The following MAD1L1 variants were observed in gnomAD, a reference collection of about 807,000 sequenced individuals.
The protein encoded by MAD1L1 is mitotic spindle assembly checkpoint protein MAD1.
In MAD1L1, 95 loss-of-function variants were observed where a neutral mutation model predicts 96.9. The observed-to-expected ratio is 0.98, with a 90% CI of 0.83 to 1.16. The LOEUF (loss-of-function observed/expected upper bound fraction) is 1.16, where lower values mean the gene tolerates loss of function less well. Ranked by LOEUF, MAD1L1 falls within the 50% of genes most tolerant of loss-of-function variation. The pLI is 0.00. For missense variants in MAD1L1, 1,007 were observed against 954.4 expected (o/e 1.06, Z -0.73); for synonymous variants, 473 against 396.6 (o/e 1.19, Z -2.29).
intron 10 of MAD1L1, among the ~76,000 whole-genome samples, chr7:2,165,112 G>A (rs559236521): frequency 2.0e-4 from 30 of 152,142 alleles, no homozygotes; most frequent in African/African-American, 6.5e-4. Context: ...GTTGAGGCAG[G>A]AGAATCGCCT....
chr7:2,203,381 C>T (rs1322267716), intron 10 of MAD1L1, among the ~76,000 whole-genome samples: 7 of 152,232 alleles, frequency 4.6e-5, no homozygotes, highest in Non-Finnish European at 1.0e-4. Flanking sequence ...TGAAAGCACA[C>T]CACCCCCATT....
chr7:2,184,685 C>T (rs1791375491), intron 10 of MAD1L1, among the ~76,000 whole-genome samples: 1 of 152,148 alleles, frequency 6.6e-6, no homozygotes, highest in Admixed American at 6.5e-5. Context: ...GGGAAACAAA[C>T]AAGCAGATTC....
At chr7:2,011,159 G>A (rs1190299188) in intron 13 of MAD1L1, among the ~76,000 whole-genome samples, 1 of 152,006 alleles carries the variant, frequency 6.6e-6, no homozygotes, top group East Asian at 1.9e-4. Context: ...GAGGAGAAGA[G>A]GAGACGGGCC....
At chr7:2,012,121 C>T (rs1471774328) in intron 13 of MAD1L1, among the ~76,000 whole-genome samples, 2 of 152,212 alleles carry the variant, frequency 1.3e-5, no homozygotes, top group Admixed American at 6.5e-5. Context: ...AACATACATC[C>T]CACTAGCAGG....
At chr7:2,226,504 T>A (rs73041387) in intron 3 of MAD1L1, among the ~76,000 whole-genome samples, 1 of 151,938 alleles carries the variant, frequency 6.6e-6, no homozygotes, top group African/African-American at 2.4e-5. Flanking sequence ...GATTACAGGT[T>A]AGCTGAGCCT....
At chr7:1,947,063 G>A (rs978148150) in intron 16 of MAD1L1, among the ~76,000 whole-genome samples, 1 of 152,210 alleles carries the variant, frequency 6.6e-6, no homozygotes, top group African/African-American at 2.4e-5. Context: ...CCATCTGTGA[G>A]GGTGAGTGTG....
chr7:2,038,498 CTTTTTTTTTTTTTTT>C (rs60466584), intron 12 of MAD1L1, among the ~76,000 whole-genome samples: 2 of 92,824 alleles, frequency 2.2e-5, no homozygotes, highest in Non-Finnish European at 4.3e-5. Context: ...AAGCTGATGA[CTTTTTTTTTTTTTTT>C]TTTTTTTTTT....
intron 10 of MAD1L1, among the ~76,000 whole-genome samples, chr7:2,163,460 GC>G (rs1192095631): frequency 3.9e-5 from 6 of 152,094 alleles, no homozygotes; most frequent in African/African-American, 9.6e-5. Context: ...TGCAACCTCT[GC>G]CCCCCCGGTT....
intron 10 of MAD1L1, among the ~76,000 whole-genome samples, chr7:2,178,855 T>G (rs1365686051): frequency 1.4e-5 from 2 of 146,612 alleles, no homozygotes; most frequent in African/African-American, 5.1e-5. Flanking sequence ...TGAGATCACA[T>G]CACTGCACTT....
intron 11 of MAD1L1, among the ~76,000 whole-genome samples, chr7:2,124,200 C>T (rs1434525855): frequency 6.6e-6 from 1 of 152,308 alleles, no homozygotes; most frequent in South Asian, 2.1e-4. Context: ...GGCAGGCCAT[C>T]GGGCAGCGGT....
chr7:1,817,442 C>G (rs1781872913), intron 18 of MAD1L1: 1 of 152,266 alleles, frequency 6.6e-6, no homozygotes, highest in African/African-American at 2.4e-5. Context: ...CGGAGGGAGA[C>G]ACAAAACCGG....
At chr7:2,161,795 C>A (rs1423703662) in intron 10 of MAD1L1, among the ~76,000 whole-genome samples, 1 of 151,170 alleles carries the variant, frequency 6.6e-6, no homozygotes, top group Non-Finnish European at 1.5e-5. Context: ...TGCCCCACCG[C>A]CACCCCGTCT....
rs1187863479 is a variant in MAD1L1, at chr7:2,146,804, G to A, written c.1073+2348C>T. Among the ~76,000 whole-genome samples the A allele has an allele frequency of 6.6e-6, 1 of 152,230 alleles. No homozygotes were observed. The highest frequency in any genetic ancestry group is 1.5e-5 in the Non-Finnish European group (1 of 68,052). On this transcript the variant is annotated intron_variant, in intron 11 of 18. Transcript: ENST00000265854. This position sits in a 1 kb window ranked among gnomAD's most constrained non-coding sequence, Gnocchi z 6.2. The stretch of plus-strand genomic sequence containing the variant: ...TCCAACTGCCTGTAAGAGACTTGTA[G>A]AAATGTGCTCAGCTGTTCAACCGTG...
chr7:2,086,545 GCT>G (rs1424356310), intron 11 of MAD1L1, among the ~76,000 whole-genome samples: 2 of 152,170 alleles, frequency 1.3e-5, no homozygotes, highest in Non-Finnish European at 2.9e-5. Context: ...AGCCACAATT[GCT>G]CTTTTTCTTT....
chr7:2,138,856 G>A (rs1227354266), intron 11 of MAD1L1, among the ~76,000 whole-genome samples: 7 of 152,160 alleles, frequency 4.6e-5, no homozygotes, highest in South Asian at 2.1e-4. Flanking sequence ...AAACAATGCC[G>A]CCATTCCCTG....
At chr7:1,907,267 G>A (rs1333730248) in intron 17 of MAD1L1, among the ~76,000 whole-genome samples, 2 of 152,184 alleles carry the variant, frequency 1.3e-5, no homozygotes, top group Non-Finnish European at 2.9e-5. Flanking sequence ...GAGCTGGCCT[G>A]GGTCTGGGCC....
At chr7:2,132,258 G>A (rs1207319860) in intron 11 of MAD1L1, among the ~76,000 whole-genome samples, 1 of 152,214 alleles carries the variant, frequency 6.6e-6, no homozygotes, top group Non-Finnish European at 1.5e-5. Flanking sequence ...CCTGCACCGT[G>A]CACGACTGCA....
At position 1,905,130 on chromosome 7, in the gene MAD1L1, G is replaced by A. The variant is rs369553429; in HGVS notation, c.1808-6740C>T. On this transcript the variant is annotated intron_variant, in intron 17 of 18. Transcript: ENST00000265854. ...GAGGACGCAGTGGCCTACGGAAGAC[G>A]CTCTCGCGGAATTCATGATTGATGA... is the stretch of plus-strand genomic sequence containing the variant. Among the ~76,000 whole-genome samples the A allele has an allele frequency of 1.0e-4, 9 of 87,720 alleles. 3 individuals are homozygous for A. The highest frequency in any genetic ancestry group is 1.2e-4 in the Non-Finnish European group (5 of 42,544). The allele number at this position is 87,720 out of a possible 152,430, so 57.5% of individuals were successfully genotyped here. A position where few individuals can be genotyped will look rare whatever the true frequency, so the allele number is the denominator to read the frequency against.
intron 11 of MAD1L1, among the ~76,000 whole-genome samples, chr7:2,071,804 A>G (rs1222691931): frequency 3.3e-5 from 5 of 151,650 alleles, no homozygotes; most frequent in African/African-American, 9.7e-5. Context: ...GTTTTCCACC[A>G]GAGCTAGGAG....
Sources: allele counts gnomAD v4.1 joint callset (sites outside exome capture counted in the v4.1 genomes callset), GRCh38; gene constraint gnomAD v4.1.1; non-coding constraint Gnocchi (gnomAD v3.1); transcripts MANE v1.5; gene names NCBI Gene and HGNC (gene_info 2026-07-23, HGNC 2026-07-21).